Variants in TECPR2 observed in about 807,000 individuals in gnomAD.
The protein encoded by TECPR2 is tectonin beta-propeller repeat-containing protein 2.
In TECPR2, 65 loss-of-function variants were observed where a neutral mutation model predicts 138.1. That is an observed-to-expected ratio of 0.47 (90% CI 0.39 to 0.58). The LOEUF (loss-of-function observed/expected upper bound fraction) is 0.58, where lower values mean the gene tolerates loss of function less well. Ranked by LOEUF, TECPR2 falls within the 20% of genes least tolerant of loss-of-function variation. The pLI is 0.00. For missense variants in TECPR2, 1,553 were observed against 1,824.5 expected (o/e 0.85, Z 2.71); for synonymous variants, 746 against 749.8 (o/e 0.99, Z 0.08).
chr14:102,390,081 A>C (rs981209519), intron 2 of TECPR2, among the ~76,000 whole-genome samples: 1 of 152,218 alleles, frequency 6.6e-6, no homozygotes, highest in African/African-American at 2.4e-5. Flanking sequence ...TTTCTACTGA[A>C]GGTTAAGCTT....
chr14:102,498,047 G>GCCCAAGCTCCCAGCTCCATCTGTA, intron 19 of TECPR2, 56 bp from the exon 20 acceptor site: 2 of 1,582,972 alleles, frequency 1.3e-6, no homozygotes, highest in Non-Finnish European at 1.7e-6. Flanking sequence ...CTCCATCTGT[G>GCCCAAGCTCCCAGCTCCATCTGTA]CCCACCCCAC....
At position 102,408,502 on chromosome 14, in the gene TECPR2, T is replaced by C. The variant is rs1210194234; in HGVS notation, c.363T>C (p.Asp121=). The change falls in exon 4 of 20, where the codon GAT becomes GAC. Residue 121 remains aspartate, a synonymous_variant. Coordinates refer to ENST00000359520, the MANE Select transcript of TECPR2 (RefSeq NM_014844.5). ...PGRNKQLRRF[D]VTGIHKNSIT... Reference sequence around the variant, plus strand: ...CTTGTTCATAGCTTCGGAGATTTGATGTCACTGGTATTCACAAAAATAGCA... The same window carrying C: ...CTTGTTCATAGCTTCGGAGATTTGACGTCACTGGTATTCACAAAAATAGCA... 2 of 1,605,082 alleles carry C rather than the reference T, an allele frequency of 1.2e-6. No homozygotes were observed. The highest frequency in any genetic ancestry group is 8.5e-7 in the Non-Finnish European group (1 of 1,177,790).
chr14:102,499,452 T>G lies in TECPR2; in HGVS notation c.*1195T>G. On this transcript the variant is annotated 3_prime_UTR_variant, in exon 20 of 20. Transcript: ENST00000359520. Reference sequence around the variant, plus strand: ...TCCCGGGTTTGTCCTGAGCCTGCACTGTCCTCGCCTGCAGCCTCAGAGGGG... The same window carrying G: ...TCCCGGGTTTGTCCTGAGCCTGCACGGTCCTCGCCTGCAGCCTCAGAGGGG... 1 of 545,406 alleles carries G rather than the reference T, an allele frequency of 1.8e-6. No homozygotes were observed. Among genetic ancestry groups the G allele is most frequent in the Non-Finnish European group, 3.3e-6 (1 of 303,336 alleles). The allele number at this position is 545,406 out of a possible 1,614,324, so 33.8% of individuals were successfully genotyped here.
intron 6 of TECPR2, among the ~76,000 whole-genome samples, chr14:102,426,042 G>A (rs1396888416): frequency 4.0e-5 from 6 of 151,072 alleles, no homozygotes; most frequent in Non-Finnish European, 8.8e-5. Flanking sequence ...GCACCACCAC[G>A]CCTGGCTAAT....
intron 7 of TECPR2, 149 bp from the exon 8 acceptor site, chr14:102,431,647 T>C (rs1889495169): frequency 4.7e-6 from 4 of 855,996 alleles, no homozygotes; most frequent in Non-Finnish European, 7.1e-6. Flanking sequence ...CATCCTAGTT[T>C]TGCTGGTTTC....
chr14:102,497,553 A>C lies in TECPR2; in HGVS notation c.3932-17A>C. 3 of 1,560,940 alleles carry C rather than the reference A, an allele frequency of 1.9e-6. No homozygotes were observed. Among genetic ancestry groups the C allele is most frequent in the Non-Finnish European group, 1.7e-6 (2 of 1,150,762 alleles). On this transcript the variant is annotated splice_polypyrimidine_tract_variant and intron_variant, in intron 18 of 19. Transcript: ENST00000359520. ...CGTCCATGGCAGGGGCTCAGGAGGG[A>C]CCCTGTCTGCCCACAGGGTTGCAGG... is the stretch of plus-strand genomic sequence containing the variant.
intron 16 of TECPR2, among the ~76,000 whole-genome samples, chr14:102,464,454 A>G (rs1890498575): frequency 1.3e-5 from 2 of 151,906 alleles, no homozygotes; most frequent in South Asian, 4.2e-4. Flanking sequence ...GTGCAGTGGC[A>G]CCATCACAGG....
rs200430198 is a variant in TECPR2 at position 102,428,222 on chromosome 14, G to T, written c.952-28G>T. ...ACCGTTGTTTAGTTTTGTGTTTTTT[G>T]TTTTTTTTTTTTTTTTTTTTTTGAC... On this transcript the variant is annotated intron_variant, in intron 6 of 19. Coordinates refer to ENST00000359520, the MANE Select transcript of TECPR2 (RefSeq NM_014844.5). 12,511 of 1,052,132 alleles carry T rather than the reference G, an allele frequency of 0.012. 313 individuals carry two copies. Among genetic ancestry groups the T allele is most frequent in the African/African-American group, 0.03 (1,143 of 38,686 alleles). 65.2% of individuals were successfully genotyped at this position (1,052,132 alleles called of 1,614,324 possible).
intron 2 of TECPR2, among the ~76,000 whole-genome samples, chr14:102,381,569 A>G (rs1321532515): frequency 6.6e-6 from 1 of 152,176 alleles, no homozygotes; most frequent in African/African-American, 2.4e-5. Flanking sequence ...GTGAGACTCC[A>G]TCTGAAAAAT....
chr14:102,374,959 T>C (rs191257049), intron 1 of TECPR2, among the ~76,000 whole-genome samples: 3 of 152,332 alleles, frequency 2.0e-5, no homozygotes, highest in African/African-American at 4.8e-5. Flanking sequence ...TCTGCTGTTA[T>C]GGGCCTTACA....
Position 102,498,084 on chromosome 14 carries a change from T to C in TECPR2, c.4082-19T>C. On this transcript the variant is annotated intron_variant, in intron 19 of 19. Coordinates refer to ENST00000359520, the MANE Select transcript of TECPR2 (RefSeq NM_014844.5). ...GGCTGTGTGATTGACAAGTATGTGATTGGCTCTTGTCCCTGCAGTGACTGC... is the reference window on the plus strand; with the variant it reads ...GGCTGTGTGATTGACAAGTATGTGACTGGCTCTTGTCCCTGCAGTGACTGC... The C allele has an allele frequency of 6.7e-7, 1 of 1,494,958 alleles. No homozygotes were observed. The highest frequency in any genetic ancestry group is 9.1e-7 in the Non-Finnish European group (1 of 1,093,798). The allele number at this position is 1,494,958 out of a possible 1,614,324, so 92.6% of individuals were successfully genotyped here. A position where few individuals can be genotyped will look rare whatever the true frequency, so the allele number is the denominator to read the frequency against.
At position 102,501,003 on chromosome 14, in the gene TECPR2, TC is replaced by T. The variant is rs966090133; in HGVS notation, c.*2749del. 6.6e-6 allele frequency: 1 copy of T among 152,274 alleles called. No individual in the cohort carries two copies. Among genetic ancestry groups the T allele is most frequent in the Non-Finnish European group, 1.5e-5 (1 of 68,078 alleles). The allele number at this position is 152,274 out of a possible 1,614,324, so 9.4% of individuals were successfully genotyped here. ...TGTGCTGTTTGATGCCTCCTCACTG[TC>T]CCGTCACTCCTGGGAAGAAGAAACG... On this transcript the variant is annotated 3_prime_UTR_variant, in exon 20 of 20. Coordinates refer to ENST00000359520, the MANE Select transcript of TECPR2 (RefSeq NM_014844.5).
chr14:102,407,706 A>G (rs1449530563), intron 3 of TECPR2, among the ~76,000 whole-genome samples: 2 of 151,896 alleles, frequency 1.3e-5, no homozygotes, highest in African/African-American at 4.8e-5. Flanking sequence ...TACTAAAAAT[A>G]CAAAATTTGG....
intron 16 of TECPR2, among the ~76,000 whole-genome samples, chr14:102,458,844 G>A (rs1168469030): frequency 3.3e-5 from 5 of 151,378 alleles, no homozygotes; most frequent in East Asian, 1.9e-4. Flanking sequence ...GCACGGTGGC[G>A]CACACCTGTT....
rs1192587017 is a variant in TECPR2 at position 102,414,638 on chromosome 14, G to A, written c.483G>A (p.Gly161=). ...IVYSSLDLDQ[G]LCNSQLVLEE... ...TGTAACCAGACTTTCTCTGCCAGGG[G>A]CTCTGTAACTCCCAGCTGGTGTTGG... is the stretch of plus-strand genomic sequence containing the variant. The change falls in exon 5 of 20, where the codon GGG becomes GGA. Residue 161 remains glycine, a splice_region_variant and synonymous_variant. Coordinates refer to ENST00000359520, the MANE Select transcript of TECPR2 (RefSeq NM_014844.5). 1 of 1,614,116 alleles carries A rather than the reference G, an allele frequency of 6.2e-7. No individual in the cohort carries two copies. The highest frequency in any genetic ancestry group is 2.2e-5 in the East Asian group (1 of 44,892).
chr14:102,468,945 A>G (rs1391474988), intron 17 of TECPR2, among the ~76,000 whole-genome samples: 1 of 152,236 alleles, frequency 6.6e-6, no homozygotes, highest in Non-Finnish European at 1.5e-5. Flanking sequence ...CTGGACTCTT[A>G]GTTATATCCC....
chr14:102,375,162 C>G (rs1262987064), intron 1 of TECPR2, among the ~76,000 whole-genome samples: 1 of 151,968 alleles, frequency 6.6e-6, no homozygotes, highest in Non-Finnish European at 1.5e-5. Context: ...CTGGGCAACA[C>G]AGCGAGACCT....
intron 4 of TECPR2, among the ~76,000 whole-genome samples, chr14:102,413,797 T>C (rs1247929173): frequency 6.6e-6 from 1 of 151,970 alleles, no homozygotes; most frequent in Non-Finnish European, 1.5e-5. Flanking sequence ...ATATAAAATA[T>C]GGTTTTTTTT....
chr14:102,430,828 C>T (rs1301319794), intron 7 of TECPR2, among the ~76,000 whole-genome samples: 1 of 152,160 alleles, frequency 6.6e-6, no homozygotes, highest in African/African-American at 2.4e-5. Flanking sequence ...TGGAAAATTA[C>T]CTTTCCCTCT....
Sources: gnomAD v4.1 joint callset for allele counts (sites outside exome capture counted in the v4.1 genomes callset) on GRCh38, gnomAD v4.1.1 for gene constraint, MANE v1.5 for transcripts, NCBI Gene and HGNC (gene_info 2026-07-23, HGNC 2026-07-21) for gene names.